The following ARHGEF26 variants were observed in gnomAD, a reference collection of about 807,000 sequenced individuals.
ARHGEF26 encodes the protein Rho guanine nucleotide exchange factor (GEF) 26.
Under a neutral mutation model 89.4 loss-of-function variants are expected in ARHGEF26, and 59 were observed. That is an observed-to-expected ratio of 0.66 (90% CI 0.54 to 0.82). The LOEUF (loss-of-function observed/expected upper bound fraction) is 0.82, where lower values mean the gene tolerates loss of function less well. ARHGEF26 is among the 40% of genes least tolerant of loss of function. ARHGEF26 has a pLI of 0.00. For missense variants in ARHGEF26, 1,234 were observed against 1,085.6 expected (o/e 1.14, Z -1.92); for synonymous variants, 500 against 428.4 (o/e 1.17, Z -2.06).
intron 11 of ARHGEF26, among the ~76,000 whole-genome samples, chr3:154,239,299 AGTGTGTGTGTGTGTGTGTGTGT>A (rs142191516): frequency 4.7e-5 from 3 of 64,328 alleles, no homozygotes; most frequent in South Asian, 7.4e-4. Flanking sequence ...AGAGAGAGAG[AGTGTGTGTGTGTGTGTGTGTGT>A]GTGTGTGTGT....
At chr3:154,211,293 TTGG>T (rs1444289210) in intron 9 of ARHGEF26, among the ~76,000 whole-genome samples, 2 of 152,230 alleles carry the variant, frequency 1.3e-5, no homozygotes, top group East Asian at 3.9e-4. Flanking sequence ...GCTGTAGGCC[TTGG>T]TGGTGAGAAC....
At chr3:154,129,299 T>C (rs2108046490) in intron 3 of ARHGEF26, among the ~76,000 whole-genome samples, 1 of 152,340 alleles carries the variant, frequency 6.6e-6, no homozygotes, top group Admixed American at 6.5e-5. Context: ...TTAACAGGCC[T>C]GACTGTCCTT....
At position 154,122,429 on chromosome 3, in the gene ARHGEF26, C is replaced by G. The variant is rs752216683; in HGVS notation, c.437C>G (p.Pro146Arg). 2.1e-5 allele frequency: 34 copies of G among 1,611,142 alleles called. No homozygotes were observed. Among genetic ancestry groups the G allele is most frequent in the Non-Finnish European group, 2.0e-5 (23 of 1,179,112 alleles). The change falls in exon 2 of 15, where the codon CCC becomes CGC. Residue 146 changes from proline to arginine, a missense_variant. Coordinates refer to ENST00000465093, the MANE Select transcript of ARHGEF26 (RefSeq NM_015595.4). ...PAPPPPPVLRPPRTPNAPAPC... is the reference protein window; with the variant it reads ...PAPPPPPVLRRPRTPNAPAPC... ...CCGCCGCCGCCGCCGGTTCTGCGCCCCCCGCGGACTCCTAACGCGCCCGCC... is the reference window on the plus strand; with the variant it reads ...CCGCCGCCGCCGCCGGTTCTGCGCCGCCCGCGGACTCCTAACGCGCCCGCC...
At chr3:154,241,470 A>G (rs1013028424) in intron 12 of ARHGEF26, among the ~76,000 whole-genome samples, 4 of 152,262 alleles carry the variant, frequency 2.6e-5, no homozygotes, top group Non-Finnish European at 5.9e-5. Context: ...AAGTGATCCC[A>G]AAGAGGTATC....
At chr3:154,134,733 A>G (rs534612940) in intron 4 of ARHGEF26, among the ~76,000 whole-genome samples, 2 of 150,520 alleles carry the variant, frequency 1.3e-5, no homozygotes, top group Non-Finnish European at 3.0e-5. Context: ...GGCTCTTATT[A>G]TTTTGAGGTA....
intron 1 of ARHGEF26, among the ~76,000 whole-genome samples, 169 bp downstream of exon 1, chr3:154,121,688 C>T (rs1414692677): frequency 6.6e-6 from 1 of 152,198 alleles, no homozygotes; most frequent in Non-Finnish European, 1.5e-5. Context: ...GTGGCGGGCT[C>T]ATTTGCTGCG....
At chr3:154,240,347 G>T (rs1007035199) in intron 11 of ARHGEF26, 23 bp from the exon 12 acceptor site, 3 of 1,558,538 alleles carry the variant, frequency 1.9e-6, no homozygotes. Flanking sequence ...TAATTGACGT[G>T]TTCTTTTCCC....
intron 6 of ARHGEF26, among the ~76,000 whole-genome samples, chr3:154,158,910 T>C (rs2108112800): frequency 6.6e-6 from 1 of 152,242 alleles, no homozygotes; most frequent in South Asian, 2.1e-4. Context: ...TAACTTACAA[T>C]GATTTGCAAC....
At chr3:154,207,459 C>T (rs956609757) in intron 9 of ARHGEF26, among the ~76,000 whole-genome samples, 3 of 151,958 alleles carry the variant, frequency 2.0e-5, no homozygotes, top group Non-Finnish European at 4.4e-5. Context: ...AGACACTTCT[C>T]AAAAGAAGAC....
intron 4 of ARHGEF26, among the ~76,000 whole-genome samples, chr3:154,137,288 C>T (rs1289532838): frequency 5.3e-5 from 8 of 152,136 alleles, no homozygotes; most frequent in South Asian, 2.1e-4. Flanking sequence ...TGAGCTAGCT[C>T]GTTAGCATGC....
chr3:154,241,554 A>G (rs1717482337), intron 12 of ARHGEF26, among the ~76,000 whole-genome samples: 1 of 152,268 alleles, frequency 6.6e-6, no homozygotes, highest in Non-Finnish European at 1.5e-5. Context: ...ATTGAAGGAC[A>G]CTTGCTAAAG....
At chr3:154,203,328 C>T (rs867519994) in intron 9 of ARHGEF26, among the ~76,000 whole-genome samples, 35 of 152,054 alleles carry the variant, frequency 2.3e-4, no homozygotes, top group South Asian at 2.1e-4. Context: ...TGAACCAGCC[C>T]TGCATCCCAG....
intron 9 of ARHGEF26, among the ~76,000 whole-genome samples, chr3:154,212,981 A>C (rs954862095): frequency 1.3e-5 from 2 of 152,174 alleles, no homozygotes; most frequent in African/African-American, 4.8e-5. Flanking sequence ...ATAAATTTTC[A>C]GAAGTGGGTT....
At chr3:154,123,433 C>T (rs887280379) in intron 2 of ARHGEF26, among the ~76,000 whole-genome samples, 1 of 152,120 alleles carries the variant, frequency 6.6e-6, no homozygotes, top group African/African-American at 2.4e-5. Flanking sequence ...ACTCTGCAGT[C>T]AAGTTGTCTG....
chr3:154,167,101 A>G (rs1712090869), intron 6 of ARHGEF26, among the ~76,000 whole-genome samples: 1 of 152,218 alleles, frequency 6.6e-6, no homozygotes, highest in African/African-American at 2.4e-5. Context: ...TCTACTTAGG[A>G]ACTTTAAATG....
chr3:154,143,977 G>C (rs557285818), intron 4 of ARHGEF26, among the ~76,000 whole-genome samples: 1 of 152,326 alleles, frequency 6.6e-6, no homozygotes, highest in South Asian at 2.1e-4. Flanking sequence ...GGAAATGCAG[G>C]TTAGAGAGAG....
intron 6 of ARHGEF26, among the ~76,000 whole-genome samples, chr3:154,157,970 C>T (rs1559867986): frequency 6.6e-6 from 1 of 152,080 alleles, no homozygotes; most frequent in Non-Finnish European, 1.5e-5. Context: ...CAACTTGTAG[C>T]AGTGGTTTGT....
intron 11 of ARHGEF26, among the ~76,000 whole-genome samples, chr3:154,228,642 G>A (rs1432735093): frequency 2.0e-5 from 3 of 151,926 alleles, no homozygotes; most frequent in African/African-American, 7.3e-5. Context: ...ACCTGAATAT[G>A]TGGTGAGGTT....
intron 6 of ARHGEF26, among the ~76,000 whole-genome samples, chr3:154,174,704 A>G (rs938343345): frequency 6.6e-6 from 1 of 152,154 alleles, no homozygotes; most frequent in Non-Finnish European, 1.5e-5. Flanking sequence ...GATTTTTTAT[A>G]TTAGAGCACC....
Sources: gnomAD v4.1 joint callset for allele counts (sites outside exome capture counted in the v4.1 genomes callset) on GRCh38, gnomAD v4.1.1 for gene constraint, MANE v1.5 for transcripts, NCBI Gene and HGNC (gene_info 2026-07-23, HGNC 2026-07-21) for gene names.